FAT3: variants seen among roughly 807,000 people sequenced by gnomAD.
FAT3 encodes protocadherin Fat 3.
In FAT3, 95 loss-of-function variants were observed where a neutral mutation model predicts 310.2. The observed-to-expected ratio is 0.31, with a 90% CI of 0.26 to 0.36. FAT3 has a LOEUF of 0.36. Among genes scored for constraint, FAT3 ranks in the 10% least tolerant of loss-of-function variants. FAT3 has a pLI of 1.00. For missense variants in FAT3, 5,408 were observed against 5,715.6 expected, an observed-to-expected ratio of 0.95 and a Z score of 1.74; for synonymous variants, 2,314 against 2,192.9, an observed-to-expected ratio of 1.06 and a Z score of -1.54.
At chr11:92,600,099 G>A (rs1426722063) in intron 3 of FAT3, among the ~76,000 whole-genome samples, 1 of 152,068 alleles carries the variant, frequency 6.6e-6, no homozygotes, top group Non-Finnish European at 1.5e-5. Flanking sequence ...TTGATTTCTT[G>A]TATCTGTTTT....
chr11:92,646,941 A>G (rs1328937884), intron 3 of FAT3, among the ~76,000 whole-genome samples: 3 of 152,150 alleles, frequency 2.0e-5, no homozygotes, highest in Admixed American at 6.5e-5. Flanking sequence ...TGCATCCCTC[A>G]TTACAGAATC....
intron 4 of FAT3, among the ~76,000 whole-genome samples, chr11:92,714,583 A>C (rs753190866): frequency 2.4e-4 from 37 of 152,202 alleles, no homozygotes; most frequent in Non-Finnish European, 4.9e-4. Flanking sequence ...CCATGGCAGA[A>C]ATTAGGAAAG....
chr11:92,306,735 T>TTATATATTATATATATATTTA (rs1947144585), intron 1 of FAT3, among the ~76,000 whole-genome samples: 2 of 123,128 alleles, frequency 1.6e-5, no homozygotes, highest in South Asian at 4.5e-4. Context: ...ATATATATAT[T>TTATATATTATATATATATTTA]TATATATAAA....
Position 92,762,049 on chromosome 11 carries a change from A to G in FAT3, c.3863A>G (p.Asn1288Ser), listed in dbSNP as rs1192898712. ...GCATTTGATAGAGATGAGGGCCCCAACGCAGAAATCTCCTACAGTATTGTG... is the reference window on the plus strand; with the variant it reads ...GCATTTGATAGAGATGAGGGCCCCAGCGCAGAAATCTCCTACAGTATTGTG... The part of the protein sequence containing the change: ...AFAFDRDEGP[N>S]AEISYSIVDG... Residue 1288 changes from asparagine (N) to serine (S), a missense_variant, in exon 5 of 28, where the codon AAC (asparagine) becomes AGC (serine). Transcript: ENST00000525166. The G allele has an allele frequency of 1.2e-6, 2 of 1,613,996 alleles. No individual in the cohort carries two copies. Among genetic ancestry groups the G allele is most frequent in the Admixed American group, 1.7e-5 (1 of 60,016 alleles).
At chr11:92,368,611 C>T (rs1175659366) in intron 2 of FAT3, among the ~76,000 whole-genome samples, 4 of 152,052 alleles carry the variant, frequency 2.6e-5, no homozygotes, top group African/African-American at 9.7e-5. Context: ...TGGTAGTTTT[C>T]CACAGAGTAG....
chr11:92,779,332 T>C (rs563198719), intron 7 of FAT3, among the ~76,000 whole-genome samples: 11 of 152,208 alleles, frequency 7.2e-5, no homozygotes, highest in African/African-American at 2.6e-4. Context: ...GGAGTCAGGA[T>C]TCCTCATAGA....
At chr11:92,422,305 G>A (rs971606577) in intron 2 of FAT3, among the ~76,000 whole-genome samples, 1 of 152,156 alleles carries the variant, frequency 6.6e-6, no homozygotes, top group Non-Finnish European at 1.5e-5. Flanking sequence ...GCCCCTGGAT[G>A]TTTTGCCTGC....
chr11:92,728,468 G>C (rs1001015214), intron 4 of FAT3, among the ~76,000 whole-genome samples: 1 of 152,198 alleles, frequency 6.6e-6, no homozygotes, highest in African/African-American at 2.4e-5. Context: ...GACTTCAGCA[G>C]AACTGGACTG....
At chr11:92,723,796 TACTC>T (rs1353011803) in intron 4 of FAT3, among the ~76,000 whole-genome samples, 1 of 152,110 alleles carries the variant, frequency 6.6e-6, no homozygotes, top group Non-Finnish European at 1.5e-5. Flanking sequence ...CCATGAGACT[TACTC>T]ACTATCACGA....
intron 4 of FAT3, among the ~76,000 whole-genome samples, chr11:92,706,232 T>C (rs1944348750): frequency 6.6e-6 from 1 of 152,084 alleles, no homozygotes; most frequent in African/African-American, 2.4e-5. Context: ...CAGTATAAAT[T>C]GCAGATGTAC....
intron 3 of FAT3, among the ~76,000 whole-genome samples, chr11:92,683,289 A>C (rs983874206): frequency 6.6e-6 from 1 of 152,182 alleles, no homozygotes; most frequent in Non-Finnish European, 1.5e-5. Context: ...GACTGATTGC[A>C]TGCCCCTAAA....
intron 7 of FAT3, among the ~76,000 whole-genome samples, chr11:92,779,748 C>A (rs1311888347): frequency 6.6e-6 from 1 of 152,028 alleles, no homozygotes; most frequent in Non-Finnish European, 1.5e-5. Flanking sequence ...AATCTTAAGA[C>A]ACAGAGAGGA....
chr11:92,637,103 C>G (rs577985243), intron 3 of FAT3, among the ~76,000 whole-genome samples: 1 of 152,206 alleles, frequency 6.6e-6, no homozygotes, highest in South Asian at 2.1e-4. Context: ...CTGGGAGAGT[C>G]AGTCAGGATC....
chr11:92,492,295 C>CCATCCATT (rs1401463166), intron 2 of FAT3, among the ~76,000 whole-genome samples: 5 of 148,446 alleles, frequency 3.4e-5, no homozygotes, highest in African/African-American at 4.9e-5. Flanking sequence ...ATCCATTCAT[C>CCATCCATT]CATCCATCCA....
chr11:92,787,178 G>C (rs1363150992), intron 7 of FAT3, among the ~76,000 whole-genome samples: 1 of 152,176 alleles, frequency 6.6e-6, no homozygotes. Flanking sequence ...TATGTTAACT[G>C]TAACTGTAAT....
intron 3 of FAT3, among the ~76,000 whole-genome samples, chr11:92,636,060 C>G (rs1348305954): frequency 6.6e-6 from 1 of 152,102 alleles, no homozygotes; most frequent in Non-Finnish European, 1.5e-5. Flanking sequence ...GCCACCCAGG[C>G]TCAAGCAGTC....
At chr11:92,270,114 C>T (rs1227122391) in intron 1 of FAT3, among the ~76,000 whole-genome samples, 1 of 152,116 alleles carries the variant, frequency 6.6e-6, no homozygotes, top group African/African-American at 2.4e-5. Context: ...AGATGCTAAG[C>T]TGCCAGAGAG....
At chr11:92,289,727 C>T (rs1946646777) in intron 1 of FAT3, among the ~76,000 whole-genome samples, 1 of 152,000 alleles carries the variant, frequency 6.6e-6, no homozygotes, top group Admixed American at 6.6e-5. Flanking sequence ...GGTATCTAAT[C>T]CCTAACCCTC....
At position 92,805,217 on chromosome 11, in the gene FAT3, G is replaced by A. The variant is rs1229754464; in HGVS notation, c.8961G>A (p.Lys2987=). 1 of 1,613,856 alleles carries A rather than the reference G, an allele frequency of 6.2e-7. No individual in the cohort carries two copies. The highest frequency in any genetic ancestry group is 2.2e-5 in the East Asian group (1 of 44,864). Residue 2987 remains lysine, a synonymous_variant, in exon 11 of 28, where the codon AAG becomes AAA. Transcript: ENST00000525166. ...LVQSEWKVYV[K]RPLDREEQDI... ...AAAGTGAGTGGAAGGTCTATGTGAA[G>A]AGGCCTCTAGACAGAGAAGAACAGG...
Sources: allele counts gnomAD v4.1 joint callset (sites outside exome capture counted in the v4.1 genomes callset), GRCh38; gene constraint gnomAD v4.1.1; transcripts MANE v1.5; gene names NCBI Gene and HGNC (gene_info 2026-07-23, HGNC 2026-07-21).